ALK: variants seen among roughly 807,000 people sequenced by gnomAD.
ALK encodes ALK receptor tyrosine kinase.
A neutral mutation model predicts 163.1 loss-of-function variants in ALK; 74 were observed. The ratio of observed to expected loss-of-function variants is 0.45; its 90% CI spans 0.38 to 0.55. The LOEUF (loss-of-function observed/expected upper bound fraction) is 0.55, where lower values mean the gene tolerates loss of function less well. Among genes scored for constraint, ALK ranks in the 20% least tolerant of loss-of-function variants. The probability of loss-of-function intolerance (pLI) is 0.00; values close to 1 mark genes in which losing one functional copy is unlikely to be tolerated. For synonymous variants in ALK, 960 were observed against 843.2 expected, an observed-to-expected ratio of 1.14 and a Z score of -2.40; for missense variants, 2,063 against 2,105.3, an observed-to-expected ratio of 0.98 and a Z score of 0.39.
At chr2:29,541,747 G>A in intron 3 of ALK, among the ~76,000 whole-genome samples, 1 of 152,178 alleles carries the variant, frequency 6.6e-6, no homozygotes, top group East Asian at 1.9e-4. Context: ...GGGCAGATTT[G>A]CATCTGTAGA....
intron 1 of ALK, among the ~76,000 whole-genome samples, chr2:29,789,852 C>T (rs1664142551): frequency 6.6e-6 from 1 of 152,146 alleles, no homozygotes; most frequent in African/African-American, 2.4e-5. Context: ...TAACATTTGG[C>T]CGTGGAGAAC....
At chr2:29,361,748 C>G (rs1668393531) in intron 5 of ALK, among the ~76,000 whole-genome samples, 1 of 152,148 alleles carries the variant, frequency 6.6e-6, no homozygotes, top group African/African-American at 2.4e-5. Flanking sequence ...TGGAAACCCT[C>G]AAAACTGGTT....
chr2:29,865,143 T>A (rs1257368865), intron 1 of ALK, among the ~76,000 whole-genome samples: 1 of 152,224 alleles, frequency 6.6e-6, no homozygotes, highest in Non-Finnish European at 1.5e-5. Flanking sequence ...AACATTGCCA[T>A]GATCTTCTTG....
chr2:29,660,342 A>G (rs557466755), intron 3 of ALK, among the ~76,000 whole-genome samples: 3 of 152,288 alleles, frequency 2.0e-5, no homozygotes, highest in Admixed American at 6.5e-5. Flanking sequence ...TCTGTGCCCA[A>G]TTTGTTCAGA....
chr2:29,433,344 C>T, intron 4 of ALK, among the ~76,000 whole-genome samples: 1 of 152,126 alleles, frequency 6.6e-6, no homozygotes, highest in East Asian at 1.9e-4. Flanking sequence ...AGCTCCCAGA[C>T]AAGACGGATG....
intron 6 of ALK, among the ~76,000 whole-genome samples, chr2:29,325,132 T>C (rs1419046551): frequency 6.6e-6 from 1 of 152,110 alleles, no homozygotes; most frequent in Non-Finnish European, 1.5e-5. Flanking sequence ...CCCTTCCAAA[T>C]TCCAACCATG....
intron 24 of ALK, among the ~76,000 whole-genome samples, chr2:29,213,761 A>T (rs1032702344): frequency 1.3e-5 from 2 of 152,172 alleles, no homozygotes; most frequent in Non-Finnish European, 2.9e-5. Context: ...AGGTGGGAGG[A>T]TTACTGGAGC....
At chr2:29,362,707 C>A (rs1453967434) in intron 5 of ALK, among the ~76,000 whole-genome samples, 1 of 152,166 alleles carries the variant, frequency 6.6e-6, no homozygotes, top group Admixed American at 6.5e-5. Context: ...ATATTGTAGT[C>A]CCTTCTTTAT....
chr2:29,377,158 G>A (rs747420223), intron 5 of ALK, among the ~76,000 whole-genome samples: 14 of 151,994 alleles, frequency 9.2e-5, no homozygotes, highest in Non-Finnish European at 1.3e-4. Flanking sequence ...TAACATCTAG[G>A]ACCAGACCAT....
chr2:29,678,890 T>A (rs1677975465), intron 3 of ALK, among the ~76,000 whole-genome samples: 1 of 151,750 alleles, frequency 6.6e-6, no homozygotes, highest in South Asian at 2.1e-4. Flanking sequence ...TATTTGTCAG[T>A]TAGGTTGAGT....
chr2:29,856,674 T>C (rs930250551), intron 1 of ALK, among the ~76,000 whole-genome samples: 1 of 152,156 alleles, frequency 6.6e-6, no homozygotes, highest in Non-Finnish European at 1.5e-5. Flanking sequence ...CTGCCTACGA[T>C]GTGCACAAAA....
intron 1 of ALK, among the ~76,000 whole-genome samples, chr2:29,772,743 C>G (rs1225731980): frequency 2.6e-5 from 4 of 152,150 alleles, no homozygotes; most frequent in Non-Finnish European, 4.4e-5. Flanking sequence ...ACACTATTTG[C>G]TTTTTTAAAC....
intron 5 of ALK, among the ~76,000 whole-genome samples, chr2:29,348,182 C>A (rs1167692156): frequency 2.0e-5 from 3 of 152,020 alleles, no homozygotes; most frequent in Non-Finnish European, 4.4e-5. Flanking sequence ...AGGATTCTGC[C>A]CCTACCCTAG....
intron 1 of ALK, among the ~76,000 whole-genome samples, chr2:29,813,825 G>A (rs1314142114): frequency 2.0e-5 from 3 of 152,204 alleles, no homozygotes; most frequent in Admixed American, 2.0e-4. Context: ...AGTCCCATAA[G>A]CAGCTTCCTG....
chr2:29,540,222 G>A (rs772892108), intron 3 of ALK, among the ~76,000 whole-genome samples: 4 of 152,130 alleles, frequency 2.6e-5, no homozygotes, highest in Non-Finnish European at 4.4e-5. Context: ...TAGGGTTCCT[G>A]ACCTGTGGTA....
Position 29,641,576 on chromosome 2 carries a change from G to C in ALK, c.952+53274C>G, listed in dbSNP as rs185170670. 4.4e-3 allele frequency among the ~76,000 whole-genome samples: 675 copies of C among 152,182 alleles called. 3 individuals are homozygous for C. Among genetic ancestry groups the C allele is most frequent in the South Asian group, 0.023 (110 of 4,814 alleles). ...CACTCATCTTGGTAATAATAATAAT[G>C]ATGTGTTTGAATAACATAATTGCTT... On this transcript the variant is annotated intron_variant, in intron 3 of 28. Coordinates refer to ENST00000389048, the MANE Select transcript of ALK (RefSeq NM_004304.5).
chr2:29,439,684 TAA>T (rs59027264), intron 4 of ALK, among the ~76,000 whole-genome samples: 19 of 144,902 alleles, frequency 1.3e-4, no homozygotes, highest in African/African-American at 4.5e-4. Flanking sequence ...GTGTTCTTGT[TAA>T]AAAAAAAAAA....
At chr2:29,530,246 T>C (rs1558369584) in intron 4 of ALK, among the ~76,000 whole-genome samples, 1 of 152,118 alleles carries the variant, frequency 6.6e-6, no homozygotes, top group African/African-American at 2.4e-5. Flanking sequence ...ACTTCCTATA[T>C]GAGCATAGAA....
At chr2:29,339,661 C>G (rs1357773886) in intron 5 of ALK, among the ~76,000 whole-genome samples, 1 of 152,168 alleles carries the variant, frequency 6.6e-6, no homozygotes, top group Non-Finnish European at 1.5e-5. Flanking sequence ...CCAAGCAAGT[C>G]ACGGAGGCAG....
Sources: gnomAD v4.1 joint callset for allele counts (sites outside exome capture counted in the v4.1 genomes callset) on GRCh38, gnomAD v4.1.1 for gene constraint, MANE v1.5 for transcripts, NCBI Gene and HGNC (gene_info 2026-07-23, HGNC 2026-07-21) for gene names.